The following N4BP2L2 variants were observed in gnomAD, a reference collection of about 807,000 sequenced individuals.
N4BP2L2 encodes NEDD4 binding protein 2 like 2.
A neutral mutation model predicts 56.2 loss-of-function variants in N4BP2L2; 50 were observed. That is an observed-to-expected ratio of 0.89 (90% CI 0.71 to 1.13). The LOEUF (loss-of-function observed/expected upper bound fraction) is 1.13. Ranked by LOEUF, N4BP2L2 falls within the 50% of genes most tolerant of loss-of-function variation. N4BP2L2 has a pLI of 0.00. For synonymous variants in N4BP2L2, 203 were observed against 223.6 expected (o/e 0.91, Z 0.82); for missense variants, 689 against 693.8 (o/e 0.99, Z 0.08).
At chr13:32,501,026 G>A (rs939703750) in intron 6 of N4BP2L2, among the ~76,000 whole-genome samples, 2 of 151,910 alleles carry the variant, frequency 1.3e-5, no homozygotes, top group African/African-American at 2.4e-5. Context: ...GCATCACGAC[G>A]CCCAGCTAAT....
intron 6 of N4BP2L2, among the ~76,000 whole-genome samples, chr13:32,501,032 C>G (rs1428041948): frequency 6.6e-6 from 1 of 152,050 alleles, no homozygotes; most frequent in Non-Finnish European, 1.5e-5. Flanking sequence ...CGACGCCCAG[C>G]TAATTTTGTA....
At chr13:32,455,937 A>C (rs1280404068) in intron 6 of N4BP2L2, among the ~76,000 whole-genome samples, 2 of 152,202 alleles carry the variant, frequency 1.3e-5, no homozygotes, top group Admixed American at 6.5e-5. Flanking sequence ...ACTACTTCAG[A>C]GCCTGATGGT....
At chr13:32,521,159 G>C (rs2050780007) in intron 5 of N4BP2L2, among the ~76,000 whole-genome samples, 1 of 152,106 alleles carries the variant, frequency 6.6e-6, no homozygotes, top group Non-Finnish European at 1.5e-5. Context: ...AAAGCACAAA[G>C]TAAAAAGTTG....
chr13:32,435,116 T>C (rs2075323838), intron 9 of N4BP2L2, among the ~76,000 whole-genome samples: 1 of 152,178 alleles, frequency 6.6e-6, no homozygotes, highest in African/African-American at 2.4e-5. Context: ...CTCAGCCAAG[T>C]CCTTGCCCAA....
intron 6 of N4BP2L2, among the ~76,000 whole-genome samples, chr13:32,487,823 T>G (rs1036112590): frequency 1.3e-5 from 2 of 152,176 alleles, no homozygotes; most frequent in Admixed American, 6.5e-5. Context: ...CTCTTTATTT[T>G]TCTGAATAAT....
chr13:32,460,273 C>G (rs577172094), intron 6 of N4BP2L2, among the ~76,000 whole-genome samples: 2 of 152,266 alleles, frequency 1.3e-5, no homozygotes, highest in Admixed American at 1.3e-4. Flanking sequence ...TTCATCACTC[C>G]TATTCAATAC....
At chr13:32,456,414 T>G (rs1352097893) in intron 6 of N4BP2L2, among the ~76,000 whole-genome samples, 1 of 152,196 alleles carries the variant, frequency 6.6e-6, no homozygotes, top group African/African-American at 2.4e-5. Flanking sequence ...AAAATTTGGA[T>G]GTGACTGTTA....
exon 7 of N4BP2L2, chr13:32,443,283 C>A: frequency 6.2e-7 from 1 of 1,613,970 alleles, no homozygotes; most frequent in Non-Finnish European, 8.5e-7. Context: ...TCATTTGAAT[C>A]CATTGCCCCC....
chr13:32,436,785 C>CAAAAAAAAAA, intron 8 of N4BP2L2, among the ~76,000 whole-genome samples: 1 of 44,972 alleles, frequency 2.2e-5, no homozygotes, highest in Non-Finnish European at 4.1e-5. Flanking sequence ...GTGTGACTGT[C>CAAAAAAAAAA]AAAAAAAAAA....
intron 3 of N4BP2L2, chr13:32,524,760 T>G (rs1182819728): frequency 3.3e-5 from 5 of 151,748 alleles, no homozygotes; most frequent in Non-Finnish European, 7.4e-5. Context: ...CTGTACTAGT[T>G]TGTTTGTTTG....
intron 6 of N4BP2L2, among the ~76,000 whole-genome samples, chr13:32,481,291 G>C (rs1286032505): frequency 6.6e-6 from 1 of 152,014 alleles, no homozygotes; most frequent in Non-Finnish European, 1.5e-5. Flanking sequence ...TGGTTGAAGA[G>C]AGTGCATAGT....
chr13:32,472,446 G>C (rs534512029), intron 6 of N4BP2L2, among the ~76,000 whole-genome samples: 3 of 152,292 alleles, frequency 2.0e-5, no homozygotes, highest in African/African-American at 4.8e-5. Flanking sequence ...CCACTGGTAA[G>C]CATGAAGAAC....
intron 5 of N4BP2L2, 119 bp downstream of exon 5, chr13:32,521,254 C>T (rs1022243755): frequency 1.3e-6 from 1 of 782,684 alleles, no homozygotes; most frequent in East Asian, 2.6e-5. Context: ...AAAAGGTCCT[C>T]ACATTTTACC....
chr13:32,458,515 A>C (rs2138640667), intron 6 of N4BP2L2, among the ~76,000 whole-genome samples: 1 of 152,370 alleles, frequency 6.6e-6, no homozygotes, highest in East Asian at 1.9e-4. Flanking sequence ...TACTTAGATA[A>C]AACAGACTTT....
At chr13:32,527,557 G>C in intron 2 of N4BP2L2, 25 bp from the exon 3 acceptor site, 1 of 1,605,240 alleles carries the variant, frequency 6.2e-7, no homozygotes, top group South Asian at 1.1e-5. Flanking sequence ...AATCATAAAG[G>C]TGCCATTTAC....
At chr13:32,504,315 T>C (rs2090552154) in intron 6 of N4BP2L2, among the ~76,000 whole-genome samples, 1 of 152,236 alleles carries the variant, frequency 6.6e-6, no homozygotes, top group African/African-American at 2.4e-5. Context: ...CCCACACTTC[T>C]GAAGGCTAGA....
intron 6 of N4BP2L2, among the ~76,000 whole-genome samples, chr13:32,452,923 G>A (rs1159140906): frequency 6.6e-6 from 1 of 152,034 alleles, no homozygotes; most frequent in African/African-American, 2.4e-5. Flanking sequence ...AATAGAAAAG[G>A]AAAATAATGA....
At chr13:32,510,388 A>G (rs923993326) in exon 6 of N4BP2L2, 7 of 152,154 alleles carry the variant, frequency 4.6e-5, no homozygotes, top group African/African-American at 1.7e-4. Context: ...GTACAACAGT[A>G]TATGTAAATA....
chr13:32,495,388 C>T (rs2088315603), intron 6 of N4BP2L2, among the ~76,000 whole-genome samples: 1 of 152,164 alleles, frequency 6.6e-6, no homozygotes, highest in South Asian at 2.1e-4. Context: ...CAGTAACCAG[C>T]CTCTATTCTG....
Sources: gnomAD v4.1 joint callset for allele counts (sites outside exome capture counted in the v4.1 genomes callset) on GRCh38, gnomAD v4.1.1 for gene constraint, MANE v1.5 for transcripts, NCBI Gene and HGNC (gene_info 2026-07-23, HGNC 2026-07-21) for gene names.